ERBIN: variants seen among roughly 807,000 people sequenced by gnomAD.
ERBIN encodes densin-180-like protein.
A neutral mutation model predicts 158.4 loss-of-function variants in ERBIN; 60 were observed. The observed-to-expected ratio is 0.38, with a 90% CI of 0.31 to 0.47. The LOEUF (loss-of-function observed/expected upper bound fraction) is 0.47. Among genes scored for constraint, ERBIN ranks in the 20% least tolerant of loss-of-function variants. ERBIN has a pLI of 0.99. For missense variants in ERBIN, 1,610 were observed against 1,648.0 expected, an observed-to-expected ratio of 0.98 and a Z score of 0.40; for synonymous variants, 594 against 557.2, an observed-to-expected ratio of 1.07 and a Z score of -0.93.
At chr5:66,019,230 A>T (rs1755427405) in intron 7 of ERBIN, among the ~76,000 whole-genome samples, 1 of 152,022 alleles carries the variant, frequency 6.6e-6, no homozygotes, top group South Asian at 2.1e-4. Flanking sequence ...TAACTTTGAG[A>T]CCTCACAAAC....
At position 66,080,841 on chromosome 5, in the gene ERBIN, TA is replaced by T. The variant is rs1762354484; in HGVS notation, c.*2315del. ...GGCATTTTATCCTACTCTAGTTAGT[TA>T]AAATTTTATAGTATTCTTGCAACAC... On this transcript the variant is annotated 3_prime_UTR_variant, in exon 26 of 26. Transcript: ENST00000284037. 2 of 152,052 alleles carry T rather than the reference TA, an allele frequency of 1.3e-5. No homozygotes were observed. Among genetic ancestry groups the T allele is most frequent in the Non-Finnish European group, 2.9e-5 (2 of 67,906 alleles). The allele number at this position is 152,052 out of a possible 1,614,324, so 9.4% of individuals were successfully genotyped here.
At chr5:65,938,228 G>C (rs941876279) in intron 1 of ERBIN, among the ~76,000 whole-genome samples, 3 of 152,012 alleles carry the variant, frequency 2.0e-5, no homozygotes, top group Admixed American at 6.6e-5. Context: ...ATTATTATCT[G>C]GCTATTTAAA....
intron 1 of ERBIN, among the ~76,000 whole-genome samples, chr5:65,983,869 C>T (rs1168094669): frequency 4.6e-5 from 7 of 152,064 alleles, no homozygotes; most frequent in East Asian, 1.9e-4. Context: ...TGTGGTTGTG[C>T]GCCTCAGTCC....
chr5:65,942,041 T>C (rs1013099548), intron 1 of ERBIN, among the ~76,000 whole-genome samples: 4 of 151,664 alleles, frequency 2.6e-5, no homozygotes, highest in South Asian at 4.2e-4. Context: ...CGTCTGGCCC[T>C]CTTTCTTGTA....
chr5:66,073,820 C>T (rs546438029), intron 22 of ERBIN, among the ~76,000 whole-genome samples: 1 of 152,150 alleles, frequency 6.6e-6, no homozygotes, highest in African/African-American at 2.4e-5. Flanking sequence ...ATAGCTGAAC[C>T]ATATTTTTCT....
chr5:66,056,686 T>C (rs1759615977), intron 21 of ERBIN, among the ~76,000 whole-genome samples: 2 of 152,168 alleles, frequency 1.3e-5, no homozygotes, highest in Admixed American at 6.6e-5. Flanking sequence ...AGAAGCCTTA[T>C]GAGAAAAGAA....
At chr5:66,050,534 C>T (rs1326364066) in intron 19 of ERBIN, among the ~76,000 whole-genome samples, 1 of 5,406 alleles carries the variant, frequency 1.8e-4, no homozygotes, top group Non-Finnish European at 7.8e-4. Flanking sequence ...CGTGAGCCAC[C>T]GCGCCCGGCC....
At chr5:65,990,649 C>CT (rs1184001477) in intron 2 of ERBIN, among the ~76,000 whole-genome samples, 1 of 144,672 alleles carries the variant, frequency 6.9e-6, no homozygotes. Flanking sequence ...CAGAGCAAGA[C>CT]TCCATCTCAA....
At chr5:66,030,103 T>A (rs1322017377) in intron 14 of ERBIN, among the ~76,000 whole-genome samples, 1 of 152,094 alleles carries the variant, frequency 6.6e-6, no homozygotes, top group Non-Finnish European at 1.5e-5. Flanking sequence ...AGTGGCATGA[T>A]CTTGGCTCAC....
In ERBIN at chr5:66,078,778, A is replaced by G. The variant is rs1762236352; in HGVS notation, c.*248A>G. Reference sequence around the variant, plus strand: ...TTTTAAACATAGCAATCAAGGCTACAAAAACAAACCTGTGTTGTTTTTGTA... The same window carrying G: ...TTTTAAACATAGCAATCAAGGCTACGAAAACAAACCTGTGTTGTTTTTGTA... On this transcript the variant is annotated 3_prime_UTR_variant, in exon 26 of 26. Transcript: ENST00000284037. The G allele has an allele frequency of 2.3e-6, 1 of 430,742 alleles. No individual in the cohort carries two copies. The highest frequency in any genetic ancestry group is 3.0e-5 in the South Asian group (1 of 33,260). 26.7% of individuals were successfully genotyped at this position (430,742 alleles called of 1,614,324 possible).
chr5:66,007,635 A>T (rs1232859139), intron 4 of ERBIN, among the ~76,000 whole-genome samples: 1 of 152,158 alleles, frequency 6.6e-6, no homozygotes, highest in Non-Finnish European at 1.5e-5. Flanking sequence ...GAGAAGGAAC[A>T]CTACTAATGG....
chr5:66,069,065 A>C, intron 21 of ERBIN: 3 of 1,415,822 alleles, frequency 2.1e-6, no homozygotes, highest in Non-Finnish European at 2.8e-6. Context: ...GTAGAAGAGA[A>C]AACCCCAAAT....
At chr5:65,998,043 C>T (rs1369136150) in intron 4 of ERBIN, among the ~76,000 whole-genome samples, 3 of 151,762 alleles carry the variant, frequency 2.0e-5, no homozygotes, top group Non-Finnish European at 2.9e-5. Flanking sequence ...GCCTGGCCAA[C>T]GTGGTGAACC....
chr5:65,996,882 G>T (rs934174017), intron 4 of ERBIN, among the ~76,000 whole-genome samples: 1 of 151,464 alleles, frequency 6.6e-6, no homozygotes, highest in African/African-American at 2.4e-5. Context: ...TATTTTTTTG[G>T]TAGCTATTAT....
intron 4 of ERBIN, among the ~76,000 whole-genome samples, chr5:65,996,713 T>G (rs1752482200): frequency 6.6e-6 from 1 of 152,134 alleles, no homozygotes; most frequent in Non-Finnish European, 1.5e-5. Context: ...GTAGACCACT[T>G]TGGGTAGTAT....
At chr5:65,955,061 G>A (rs1746935303) in intron 1 of ERBIN, among the ~76,000 whole-genome samples, 2 of 151,868 alleles carry the variant, frequency 1.3e-5, no homozygotes, top group Admixed American at 1.3e-4. Context: ...GCGAGATTCC[G>A]TCTTATAAAA....
At chr5:65,979,148 G>A (rs1750361388) in intron 1 of ERBIN, among the ~76,000 whole-genome samples, 1 of 152,132 alleles carries the variant, frequency 6.6e-6, no homozygotes, top group Admixed American at 6.5e-5. Context: ...ATATTATAGT[G>A]GGGCGTGGTG....
chr5:66,061,646 C>G (rs1179900872), intron 21 of ERBIN, among the ~76,000 whole-genome samples: 1 of 152,182 alleles, frequency 6.6e-6, no homozygotes, highest in Non-Finnish European at 1.5e-5. Flanking sequence ...CCTTGATGGT[C>G]TTTACAATTT....
rs1215986963 is a variant in ERBIN at position 65,940,595 on chromosome 5, GA to G, written c.-58+13791del. Among the ~76,000 whole-genome samples, 179 of 142,824 alleles carry G rather than the reference GA, an allele frequency of 1.3e-3. 12 individuals carry two copies. Among genetic ancestry groups the G allele is most frequent in the African/African-American group, 4.2e-3 (153 of 36,656 alleles). 93.7% of individuals were successfully genotyped at this position (142,824 alleles called of 152,430 possible). A position where few individuals can be genotyped will look rare whatever the true frequency, so the allele number is the denominator to read the frequency against. ...GCCTCTGCCCGGCCGCCCCTACTGG[GA>G]AGTGAGGAGCCCCTCTGCCCGGCCA... On this transcript the variant is annotated intron_variant, in intron 1 of 25. Coordinates refer to ENST00000284037, the MANE Select transcript of ERBIN (RefSeq NM_001253697.2).
Sources: gnomAD v4.1 joint callset for allele counts (sites outside exome capture counted in the v4.1 genomes callset) on GRCh38, gnomAD v4.1.1 for gene constraint, MANE v1.5 for transcripts, NCBI Gene and HGNC (gene_info 2026-07-23, HGNC 2026-07-21) for gene names.